Variants in IL7 observed in about 807,000 individuals in gnomAD.
IL7 encodes the protein interleukin 7, also known as interleukin-7.
Under a neutral mutation model 21.6 loss-of-function variants are expected in IL7, and 3 were observed. The ratio of observed to expected loss-of-function variants is 0.14; its 90% CI spans 0.06 to 0.36. The LOEUF is 0.36. IL7 is among the 10% of genes least tolerant of loss of function. The pLI is 1.00. For missense variants in IL7, 175 were observed against 200.2 expected (o/e 0.87, Z 0.76); for synonymous variants, 62 against 68.1 (o/e 0.91, Z 0.44).
intron 3 of IL7, among the ~76,000 whole-genome samples, chr8:78,709,292 A>C (rs1457215474): frequency 2.0e-5 from 3 of 152,208 alleles, no homozygotes; most frequent in Non-Finnish European, 4.4e-5. Flanking sequence ...TTAAAACATT[A>C]AGAAGTAAAT....
intron 1 of IL7, among the ~76,000 whole-genome samples, chr8:78,802,514 T>G (rs1427408564): frequency 6.6e-6 from 1 of 151,438 alleles, no homozygotes; most frequent in Non-Finnish European, 1.5e-5. Flanking sequence ...CACTGCAACC[T>G]CAGCCTCCCA....
At chr8:78,784,130 C>T (rs1813431902) in intron 2 of IL7, among the ~76,000 whole-genome samples, 1 of 152,130 alleles carries the variant, frequency 6.6e-6, no homozygotes, top group African/African-American at 2.4e-5. Context: ...AATGTGTTGT[C>T]GTTAGAAAGT....
At chr8:78,694,531 C>T (rs1174082711) in intron 3 of IL7, among the ~76,000 whole-genome samples, 1 of 152,110 alleles carries the variant, frequency 6.6e-6, no homozygotes, top group East Asian at 1.9e-4. Context: ...ACAGCAAATC[C>T]ATGTGATGTT....
rs189246690 is a variant in IL7, at chr8:78,798,976, C to G, written c.11-768G>C. On this transcript the variant is annotated intron_variant, in intron 1 of 5. Coordinates refer to ENST00000263851, the MANE Select transcript of IL7 (RefSeq NM_000880.4). ...TTTGATAACTCTTCCCAATTAGGAG[C>G]AATTGTCTAATCAAAAGGACTGAAA... 1.4e-4 allele frequency among the ~76,000 whole-genome samples: 21 copies of G among 152,140 alleles called. No individual in the cohort carries two copies. In the East Asian group the frequency reaches 3.5e-3, roughly 25 times the overall value.
chr8:78,737,636 A>G (rs1811637243), intron 4 of IL7, among the ~76,000 whole-genome samples: 1 of 152,136 alleles, frequency 6.6e-6, no homozygotes, highest in African/African-American at 2.4e-5. Context: ...ATCACTGTCA[A>G]TAGGATTCAA....
intron 3 of IL7, among the ~76,000 whole-genome samples, chr8:78,702,923 G>A (rs994262054): frequency 2.6e-5 from 4 of 152,014 alleles, no homozygotes; most frequent in Non-Finnish European, 5.9e-5. Context: ...TTGAGATGGA[G>A]TTTCACTCTG....
At chr8:78,724,205 T>C (rs532328355) in intron 3 of IL7, 1 of 152,212 alleles carries the variant, frequency 6.6e-6, no homozygotes, top group South Asian at 2.1e-4. Flanking sequence ...TTTTTCTTTC[T>C]CTTTTTATCA....
chr8:78,753,961 G>A (rs147460343), intron 2 of IL7, among the ~76,000 whole-genome samples: 10 of 152,016 alleles, frequency 6.6e-5, no homozygotes, highest in South Asian at 2.1e-4. Flanking sequence ...CATGCTGTTC[G>A]GTTACATTTC....
chr8:78,767,758 G>A (rs1020411647), intron 2 of IL7, among the ~76,000 whole-genome samples: 1 of 151,860 alleles, frequency 6.6e-6, no homozygotes, highest in African/African-American at 2.4e-5. Flanking sequence ...TTGTTCAAAT[G>A]GAGTAATCTT....
chr8:78,757,690 G>T (rs746673393), intron 2 of IL7, among the ~76,000 whole-genome samples: 2 of 151,904 alleles, frequency 1.3e-5, no homozygotes, highest in African/African-American at 4.8e-5. Flanking sequence ...TACTTTGTCC[G>T]ATATAAGTAT....
At chr8:78,697,401 T>C in intron 3 of IL7, 2 of 1,581,252 alleles carry the variant, frequency 1.3e-6, no homozygotes, top group Non-Finnish European at 1.7e-6. Context: ...TTTTCCATTA[T>C]TTTAGTATAA....
chr8:78,789,657 A>G (rs1813621655), intron 2 of IL7, among the ~76,000 whole-genome samples: 1 of 152,174 alleles, frequency 6.6e-6, no homozygotes, highest in Non-Finnish European at 1.5e-5. Flanking sequence ...AAGGTTAGTC[A>G]GGGCCCACTG....
chr8:78,739,418 G>A (rs1811703598), intron 3 of IL7, among the ~76,000 whole-genome samples: 2 of 152,154 alleles, frequency 1.3e-5, no homozygotes, highest in Non-Finnish European at 2.9e-5. Flanking sequence ...TAGAGGCCAG[G>A]CACCGTGGCT....
chr8:78,687,848 TTTA>T (rs1810066637), intron 3 of IL7, among the ~76,000 whole-genome samples: 1 of 90,104 alleles, frequency 1.1e-5, no homozygotes, highest in Non-Finnish European at 2.8e-5. Flanking sequence ...TATATATATA[TTTA>T]TATAATATAT....
At chr8:78,722,441 A>G (rs925029945) in intron 3 of IL7, among the ~76,000 whole-genome samples, 4 of 152,108 alleles carry the variant, frequency 2.6e-5, no homozygotes, top group Admixed American at 2.0e-4. Flanking sequence ...TATTTTGCAC[A>G]TTTTAAAAAT....
intron 2 of IL7, among the ~76,000 whole-genome samples, chr8:78,751,671 G>A (rs970955596): frequency 6.6e-5 from 10 of 152,140 alleles, no homozygotes; most frequent in Non-Finnish European, 1.5e-5. Flanking sequence ...GGATGACACA[G>A]TGATATATTT....
Position 78,687,718 on chromosome 8 carries a change from G to A in IL7, n.215-1771C>T, listed in dbSNP as rs1165360969. On this transcript the variant is annotated intron_variant and non_coding_transcript_variant, in intron 3 of 4. Coordinates refer to the IL7 transcript ENST00000523959. ...CGTAATACATTATATATATATTTAC[G>A]TAATACATTATATATATTTATGTAA... Among the ~76,000 whole-genome samples, 6 of 78,174 alleles carry A rather than the reference G, an allele frequency of 7.7e-5. 1 individual carries two copies. Among genetic ancestry groups the A allele is most frequent in the African/African-American group, 1.2e-4 (3 of 24,012 alleles). The allele number at this position is 78,174 out of a possible 152,430, so 51.3% of individuals were successfully genotyped here.
chr8:78,725,665 A>G (rs1413315898), intron 3 of IL7, among the ~76,000 whole-genome samples: 1 of 152,018 alleles, frequency 6.6e-6, no homozygotes, highest in Admixed American at 6.6e-5. Flanking sequence ...AGAATATTCA[A>G]TATACTGAAA....
At chr8:78,717,436 C>T (rs780581410), downstream of IL7, 28 of 1,612,784 alleles carry the variant, frequency 1.7e-5, 1 homozygote, top group South Asian at 2.4e-4. Flanking sequence ...GGACTAAATA[C>T]CCTGTAGAAT....
Sources: gnomAD v4.1 joint callset for allele counts (sites outside exome capture counted in the v4.1 genomes callset) on GRCh38, gnomAD v4.1.1 for gene constraint, MANE v1.5 for transcripts, NCBI Gene and HGNC (gene_info 2026-07-23, HGNC 2026-07-21) for gene names.